ZEB1: variants seen among roughly 807,000 people sequenced by gnomAD.
ZEB1 encodes zinc finger E-box-binding homeobox 1.
A neutral mutation model predicts 84.9 loss-of-function variants in ZEB1; 21 were observed. The observed-to-expected ratio is 0.25, with a 90% CI of 0.18 to 0.36. The LOEUF (loss-of-function observed/expected upper bound fraction) is 0.36. ZEB1 is among the 10% of genes least tolerant of loss of function. ZEB1 has a pLI of 1.00. For synonymous variants in ZEB1, 420 were observed against 471.1 expected (o/e 0.89, Z 1.41); for missense variants, 1,104 against 1,330.2 (o/e 0.83, Z 2.65).
chr10:31,323,803 T>G (rs922657262), intron 1 of ZEB1, among the ~76,000 whole-genome samples: 1 of 152,030 alleles, frequency 6.6e-6, no homozygotes, highest in Non-Finnish European at 1.5e-5. Flanking sequence ...GGTAGAACAT[T>G]AGAAGTATTT....
intron 1 of ZEB1, chr10:31,375,113 C>T (rs946990309): frequency 3.6e-5 from 5 of 139,644 alleles, no homozygotes; most frequent in Non-Finnish European, 6.3e-5. Context: ...ATGTTGATTA[C>T]GTTTTGGAAA....
intron 1 of ZEB1, among the ~76,000 whole-genome samples, chr10:31,340,829 T>C (rs1289964688): frequency 3.3e-5 from 5 of 151,902 alleles, no homozygotes; most frequent in African/African-American, 9.7e-5. Flanking sequence ...AGGGTAGATA[T>C]TGATTGTGAG....
At position 31,373,201 on chromosome 10, in the gene ZEB1, G is replaced by C. The variant is rs1007397167; in HGVS notation, c.58+53909G>C. ...AAGAGTTTTCATTTAAATTGTGTGT[G>C]TGTGTGTGTGTGTGTGTAAAGCCTA... On this transcript the variant is annotated intron_variant, in intron 1 of 8. Transcript: ENST00000424869. 4 of 980,060 alleles carry C rather than the reference G, an allele frequency of 4.1e-6. No individual in the cohort carries two copies. The African/African-American group carries it at 7.4e-5, about 18-fold the overall frequency. The allele number at this position is 980,060 out of a possible 1,614,324, so 60.7% of individuals were successfully genotyped here.
Position 31,326,349 on chromosome 10 carries a change from T to G in ZEB1, c.58+7057T>G, listed in dbSNP as rs569244113. Among the ~76,000 whole-genome samples the G allele has an allele frequency of 2.0e-5, 3 of 152,306 alleles. No homozygotes were observed. The South Asian group carries it at 6.2e-4, about 32-fold the overall frequency. On this transcript the variant is annotated intron_variant, in intron 1 of 8. Coordinates refer to ENST00000424869, the MANE Select transcript of ZEB1 (RefSeq NM_001174096.2). The stretch of plus-strand genomic sequence containing the variant: ...TTCTCCTTTCTACCCTAAAGTTAAG[T>G]TGCTATTTGCTCCTATTGCTACATC...
intron 1 of ZEB1, among the ~76,000 whole-genome samples, chr10:31,458,972 C>G (rs1229852593): frequency 6.6e-6 from 1 of 152,090 alleles, no homozygotes; most frequent in Non-Finnish European, 1.5e-5. Flanking sequence ...ATCGAAAATG[C>G]ATTTAATATA....
intron 2 of ZEB1, among the ~76,000 whole-genome samples, chr10:31,462,364 C>G (rs2061916901): frequency 6.6e-6 from 1 of 152,164 alleles, no homozygotes. Context: ...GGATAAGACT[C>G]TCTGCATGAA....
chr10:31,341,609 G>A (rs2039383472), intron 1 of ZEB1, among the ~76,000 whole-genome samples: 1 of 152,132 alleles, frequency 6.6e-6, no homozygotes, highest in Admixed American at 6.5e-5. Context: ...TGGAAATACA[G>A]CTTGAAGAGT....
chr10:31,394,720 G>A (rs769378835), intron 1 of ZEB1, among the ~76,000 whole-genome samples: 3 of 152,178 alleles, frequency 2.0e-5, no homozygotes, highest in Non-Finnish European at 2.9e-5. Context: ...TGTTCTCATA[G>A]CTGTATAATG....
chr10:31,344,367 T>C (rs1311981533), intron 1 of ZEB1, among the ~76,000 whole-genome samples: 1 of 152,068 alleles, frequency 6.6e-6, no homozygotes, highest in Non-Finnish European at 1.5e-5. Context: ...TGACAATTTG[T>C]CAACTCAAGT....
intron 1 of ZEB1, among the ~76,000 whole-genome samples, chr10:31,437,561 C>T (rs1372797194): frequency 6.6e-6 from 1 of 152,110 alleles, no homozygotes; most frequent in East Asian, 1.9e-4. Flanking sequence ...GAAAGACTTT[C>T]TTTACAAAAC....
intron 1 of ZEB1, among the ~76,000 whole-genome samples, chr10:31,399,296 CT>C (rs1554839626): frequency 6.6e-6 from 1 of 152,016 alleles, no homozygotes; most frequent in Non-Finnish European, 1.5e-5. Context: ...TGCCTGGCCC[CT>C]GTAGTCTTCT....
At chr10:31,499,366 C>T (rs892458720) in intron 3 of ZEB1, among the ~76,000 whole-genome samples, 2 of 152,116 alleles carry the variant, frequency 1.3e-5, no homozygotes, top group African/African-American at 4.8e-5. Context: ...ATGAAAAACA[C>T]TTTTATTACA....
intron 1 of ZEB1, among the ~76,000 whole-genome samples, chr10:31,326,530 G>A (rs372765586): frequency 1.3e-5 from 2 of 152,054 alleles, no homozygotes; most frequent in African/African-American, 4.8e-5. Context: ...GAGAGATTTG[G>A]GAGAATCATC....
intron 2 of ZEB1, among the ~76,000 whole-genome samples, chr10:31,495,077 G>A (rs2067029304): frequency 6.6e-6 from 1 of 152,026 alleles, no homozygotes; most frequent in South Asian, 2.1e-4. Flanking sequence ...GAGCAAGAGT[G>A]TGATGGAAAG....
intron 1 of ZEB1, among the ~76,000 whole-genome samples, chr10:31,335,931 C>A (rs569858404): frequency 1.3e-5 from 2 of 152,186 alleles, no homozygotes; most frequent in Admixed American, 6.5e-5. Context: ...ATTTTTCAGA[C>A]TTTTTGCTGG....
intron 2 of ZEB1, among the ~76,000 whole-genome samples, chr10:31,495,232 A>T (rs902330043): frequency 2.0e-5 from 3 of 152,106 alleles, no homozygotes; most frequent in African/African-American, 7.2e-5. Flanking sequence ...AAAAGAAGTA[A>T]GTTACTAGCA....
chr10:31,469,633 G>A (rs1170784340), intron 2 of ZEB1, among the ~76,000 whole-genome samples: 1 of 152,226 alleles, frequency 6.6e-6, no homozygotes, highest in Non-Finnish European at 1.5e-5. Flanking sequence ...GCGAGGCTGG[G>A]GGAGGGGCGC....
rs1243778787 is a variant in ZEB1, at chr10:31,527,490, A to G, written c.*226A>G. On this transcript the variant is annotated 3_prime_UTR_variant, in exon 9 of 9. Transcript: ENST00000424869. ...GGTGTGCCTGAACCTCAGACCTAGT[A>G]ATTTTTCATGCAGTTTTCAAAGTTA... is the stretch of plus-strand genomic sequence containing the variant. The G allele has an allele frequency of 1.2e-5, 7 of 572,394 alleles. No individual in the cohort carries two copies. The highest frequency in any genetic ancestry group is 2.1e-5 in the Non-Finnish European group (7 of 339,256). The allele number at this position is 572,394 out of a possible 1,614,324, so 35.5% of individuals were successfully genotyped here. A position where few individuals can be genotyped will look rare whatever the true frequency, so the allele number is the denominator to read the frequency against.
At chr10:31,356,031 T>C (rs146840239) in intron 1 of ZEB1, among the ~76,000 whole-genome samples, 1 of 152,102 alleles carries the variant, frequency 6.6e-6, no homozygotes. Context: ...ATTTGGGATG[T>C]GAACAAAGCC....
Sources: allele counts gnomAD v4.1 joint callset (sites outside exome capture counted in the v4.1 genomes callset), GRCh38; gene constraint gnomAD v4.1.1; transcripts MANE v1.5; gene names NCBI Gene and HGNC (gene_info 2026-07-23, HGNC 2026-07-21).